Variants in FSIP1 observed in about 807,000 individuals in gnomAD.
The protein encoded by FSIP1 is fibrous sheath-interacting protein 1.
In FSIP1, 65 loss-of-function variants were observed where a neutral mutation model predicts 60.9. That is an observed-to-expected ratio of 1.07 (90% confidence interval 0.87 to 1.31). The LOEUF is 1.31. Among genes scored for constraint, FSIP1 ranks in the 40% most tolerant of loss-of-function variants. The pLI is 0.00. For synonymous variants in FSIP1, 209 were observed against 221.2 expected (o/e 0.94, Z 0.49); for missense variants, 675 against 665.5 (o/e 1.01, Z -0.16).
Position 39,661,056 on chromosome 15 carries a change from C to T in FSIP1, c.1189-42811G>A, listed in dbSNP as rs184331855. 3.9e-5 allele frequency among the ~76,000 whole-genome samples: 6 copies of T among 152,144 alleles called. 1 individual carries two copies. The highest frequency in any genetic ancestry group is 1.9e-4 in the East Asian group (1 of 5,182). ...CAGCCTGAGCAACAGAGAGAGACTG[C>T]GTCTCCAATAAAATAAATAAATAAA... On this transcript the variant is annotated intron_variant, in intron 10 of 11. Coordinates refer to ENST00000350221, the MANE Select transcript of FSIP1 (RefSeq NM_152597.5).
At chr15:39,712,429 G>A (rs975360966) in intron 10 of FSIP1, among the ~76,000 whole-genome samples, 5 of 152,172 alleles carry the variant, frequency 3.3e-5, no homozygotes, top group African/African-American at 1.2e-4. Flanking sequence ...GCTAAGGCAT[G>A]AGGTGACAAC....
At position 39,647,993 on chromosome 15, in the gene FSIP1, G is replaced by T. The variant is rs555927990; in HGVS notation, c.1189-29748C>A. Among the ~76,000 whole-genome samples, 263 of 140,870 alleles carry T rather than the reference G, an allele frequency of 1.9e-3. 2 individuals are homozygous for T. Among genetic ancestry groups the T allele is most frequent in the African/African-American group, 6.4e-3 (245 of 38,040 alleles). The allele number at this position is 140,870 out of a possible 152,430, so 92.4% of individuals were successfully genotyped here. On this transcript the variant is annotated intron_variant, in intron 10 of 11. Coordinates refer to ENST00000350221, the MANE Select transcript of FSIP1 (RefSeq NM_152597.5). ...TAGTATAACATGGACACATGAAGGG[G>T]AATATCACACTCTGGGGACTGTGGT...
intron 10 of FSIP1, among the ~76,000 whole-genome samples, chr15:39,653,051 C>T (rs1006144616): frequency 1.3e-5 from 2 of 151,760 alleles, no homozygotes; most frequent in Non-Finnish European, 2.9e-5. Flanking sequence ...TGGTGTGTGC[C>T]TGTAGTCCCA....
intron 10 of FSIP1, among the ~76,000 whole-genome samples, chr15:39,651,590 T>C (rs1446016603): frequency 1.3e-5 from 2 of 152,220 alleles, no homozygotes; most frequent in Non-Finnish European, 2.9e-5. Flanking sequence ...TTCAAAAAAA[T>C]AATGTATTCA....
intron 5 of FSIP1, among the ~76,000 whole-genome samples, chr15:39,748,040 T>C (rs1244322772): frequency 6.6e-6 from 1 of 152,172 alleles, no homozygotes; most frequent in Non-Finnish European, 1.5e-5. Flanking sequence ...TCCTGCAGTC[T>C]TAATTATGCT....
chr15:39,678,195 T>C (rs1322735723), intron 10 of FSIP1, among the ~76,000 whole-genome samples: 1 of 152,034 alleles, frequency 6.6e-6, no homozygotes, highest in Non-Finnish European at 1.5e-5. Flanking sequence ...TGCTAATAAA[T>C]AGAACTTAGC....
intron 4 of FSIP1, among the ~76,000 whole-genome samples, chr15:39,765,112 C>A (rs1368882575): frequency 6.6e-6 from 1 of 152,100 alleles, no homozygotes; most frequent in Non-Finnish European, 1.5e-5. Context: ...AAAAATATCA[C>A]CCCATGACTC....
intron 6 of FSIP1, among the ~76,000 whole-genome samples, chr15:39,740,265 G>A (rs113852993): frequency 1.1e-4 from 16 of 151,630 alleles, no homozygotes; most frequent in African/African-American, 3.9e-4. Flanking sequence ...AGCAAGGTCT[G>A]GGAGTTAGCG....
intron 10 of FSIP1, among the ~76,000 whole-genome samples, chr15:39,706,346 C>T (rs1895269105): frequency 6.6e-6 from 1 of 152,200 alleles, no homozygotes; most frequent in Admixed American, 6.5e-5. Flanking sequence ...CCAATCTTTA[C>T]ACCACTCTTA....
intron 10 of FSIP1, among the ~76,000 whole-genome samples, chr15:39,637,759 C>T (rs73393230): frequency 0.038 from 5,773 of 151,606 alleles, 386 homozygotes; most frequent in African/African-American, 0.13. Flanking sequence ...GGGAACTTCC[C>T]AAACAAGGGA....
At chr15:39,762,750 G>A (rs1897545664) in intron 5 of FSIP1, among the ~76,000 whole-genome samples, 1 of 152,108 alleles carries the variant, frequency 6.6e-6, no homozygotes, top group Non-Finnish European at 1.5e-5. Context: ...CATTTTTGCT[G>A]TAATATATCA....
At chr15:39,759,663 C>T (rs1363858017) in intron 5 of FSIP1, among the ~76,000 whole-genome samples, 1 of 152,104 alleles carries the variant, frequency 6.6e-6, no homozygotes, top group Non-Finnish European at 1.5e-5. Flanking sequence ...GTTCTGGAGG[C>T]CAGAAATCCA....
intron 11 of FSIP1, among the ~76,000 whole-genome samples, chr15:39,603,685 A>G (rs1890722566): frequency 6.6e-6 from 1 of 152,230 alleles, no homozygotes; most frequent in Non-Finnish European, 1.5e-5. Context: ...TGGAGAGATC[A>G]CAAGACAATG....
rs539405515 is a variant in FSIP1, at chr15:39,724,028, C to T, written c.1050+2561G>A. 3.3e-5 allele frequency among the ~76,000 whole-genome samples: 5 copies of T among 152,314 alleles called. No individual in the cohort carries two copies. In the East Asian group the frequency reaches 9.6e-4, roughly 29 times the overall value. ...ATAAATTATTTCTTTTTAACAACTA[C>T]ATTACATTTTTGTTTTTACATCCAA... On this transcript the variant is annotated intron_variant, in intron 9 of 11. Transcript: ENST00000350221.
chr15:39,738,230 T>C (rs1452874409), intron 7 of FSIP1, 29 bp from the exon 8 acceptor site: 4 of 1,428,506 alleles, frequency 2.8e-6, no homozygotes, highest in Admixed American at 1.8e-5. Flanking sequence ...GAAAATATCA[T>C]ATACTCAAGG....
At chr15:39,632,471 G>A (rs997301896) in intron 10 of FSIP1, among the ~76,000 whole-genome samples, 6 of 152,012 alleles carry the variant, frequency 3.9e-5, no homozygotes, top group Non-Finnish European at 8.8e-5. Flanking sequence ...GAGCCACTGC[G>A]CCCGGCAACT....
intron 5 of FSIP1, among the ~76,000 whole-genome samples, chr15:39,758,089 A>G (rs11858148): frequency 0.22 from 33,224 of 152,070 alleles, 3,974 homozygotes; most frequent in Admixed American, 0.37. Flanking sequence ...CTAATCTAAC[A>G]TTATGGGAAG....
At chr15:39,702,054 G>A (rs541876158) in intron 10 of FSIP1, among the ~76,000 whole-genome samples, 15 of 152,186 alleles carry the variant, frequency 9.9e-5, no homozygotes, top group African/African-American at 2.4e-4. Context: ...CAGGCTTATC[G>A]TTGGTAACTC....
At chr15:39,658,401 C>T (rs1366065989) in intron 10 of FSIP1, among the ~76,000 whole-genome samples, 1 of 151,910 alleles carries the variant, frequency 6.6e-6, no homozygotes, top group East Asian at 1.9e-4. Flanking sequence ...AGGTGCCTGC[C>T]ACCATGCCAA....
Sources: gnomAD v4.1 joint callset for allele counts (sites outside exome capture counted in the v4.1 genomes callset) on GRCh38, gnomAD v4.1.1 for gene constraint, MANE v1.5 for transcripts, NCBI Gene and HGNC (gene_info 2026-07-23, HGNC 2026-07-21) for gene names.